TFCP2L1: variants seen among roughly 807,000 people sequenced by gnomAD.
TFCP2L1 encodes the protein transcription factor CP2-like protein 1.
Under a neutral mutation model 72.2 loss-of-function variants are expected in TFCP2L1, and 12 were observed. That is an observed-to-expected ratio of 0.17 (90% CI 0.11 to 0.27). The LOEUF (loss-of-function observed/expected upper bound fraction) is 0.27. Ranked by LOEUF, TFCP2L1 falls within the 10% of genes least tolerant of loss-of-function variation. The pLI, the probability that TFCP2L1 is intolerant of heterozygous loss-of-function variation, is 1.00. For synonymous variants in TFCP2L1, 260 were observed against 251.0 expected, an observed-to-expected ratio of 1.04 and a Z score of -0.34; for missense variants, 488 against 624.6, an observed-to-expected ratio of 0.78 and a Z score of 2.33.
chr2:121,224,381 C>T lies in TFCP2L1; in HGVS notation c.1400G>A (p.Ser467Asn). ...CAGGATGATGTGGTAGCCATCATTGCTCTCAGCTGCAAGAGAGAAACACTG... is the reference window on the plus strand; with the variant it reads ...CAGGATGATGTGGTAGCCATCATTGTTCTCAGCTGCAAGAGAGAAACACTG... ...CFVLSTIKAESNDGYHIILKC... is the reference protein window; with the variant it reads ...CFVLSTIKAENNDGYHIILKC... Residue 467 changes from serine (S) to asparagine (N), a missense_variant, in exon 15 of 15, where the codon AGC becomes AAC. By Grantham distance (46) the Ser-to-Asn change is conservative. Around this residue, in one of 3 missense-constraint regions of TFCP2L1, gnomAD observed 286 missense variants for 329.0 expected, o/e 0.87. Coordinates refer to ENST00000263707, the MANE Select transcript of TFCP2L1 (RefSeq NM_014553.3). 4 of 1,613,870 alleles carry T rather than the reference C, an allele frequency of 2.5e-6. No individual in the cohort carries two copies. Among genetic ancestry groups the T allele is most frequent in the Non-Finnish European group, 3.4e-6 (4 of 1,179,950 alleles).
chr2:121,248,878 G>T (rs1686544151), intron 4 of TFCP2L1, 104 bp downstream of exon 4: 1 of 895,762 alleles, frequency 1.1e-6, no homozygotes, highest in Non-Finnish European at 1.6e-6. Flanking sequence ...GCAGGTGCAA[G>T]CTAAAACGCC....
In TFCP2L1 at chr2:121,246,628, G is replaced by GGCA. The variant is rs753496602; in HGVS notation, c.657+187_657+189dup. 2.0e-4 allele frequency among the ~76,000 whole-genome samples: 30 copies of GGCA among 152,228 alleles called. 1 individual carries two copies. Among genetic ancestry groups the GGCA allele is most frequent in the Non-Finnish European group, 3.5e-4 (24 of 68,042 alleles). On this transcript the variant is annotated intron_variant, in intron 6 of 14. Transcript: ENST00000263707. ...GCAGGTGAAAAGATGCCCCCAGCAG[G>GGCA]GCAGCAGCAGCCTGTGGTGCCTGGA...
rs1237635772 is a variant in TFCP2L1 at position 121,285,201 on chromosome 2, C to T, written c.-92G>A. The T allele has an allele frequency of 1.1e-5, 12 of 1,142,214 alleles. No individual in the cohort carries two copies. The highest frequency in any genetic ancestry group is 2.9e-4 in the Middle Eastern group (1 of 3,442). The allele number at this position is 1,142,214 out of a possible 1,614,324, so 70.8% of individuals were successfully genotyped here. On this transcript the variant is annotated 5_prime_UTR_variant, in exon 1 of 15. Transcript: ENST00000263707. ...CCAGCGGCGGCTTCGCGCTCCGAAC[C>T]CGCGGTGCCGGCCGGCTCGGCGCAT...
Position 121,285,176 on chromosome 2 carries a change from C to A in TFCP2L1, c.-67G>T, listed in dbSNP as rs1278793758. The A allele has an allele frequency of 3.6e-5, 48 of 1,318,648 alleles. No homozygotes were observed. The highest frequency in any genetic ancestry group is 4.5e-5 in the Non-Finnish European group (46 of 1,027,396). The allele number at this position is 1,318,648 out of a possible 1,614,324, so 81.7% of individuals were successfully genotyped here. ...CGCAGACGCGGGGCGCGCCGAGGACCCAGCGGCGGCTTCGCGCTCCGAACC... is the reference window on the plus strand; with the variant it reads ...CGCAGACGCGGGGCGCGCCGAGGACACAGCGGCGGCTTCGCGCTCCGAACC... On this transcript the variant is annotated 5_prime_UTR_variant, in exon 1 of 15. Transcript: ENST00000263707.
chr2:121,243,047 G>A (rs1244120206), intron 6 of TFCP2L1, among the ~76,000 whole-genome samples: 1 of 152,210 alleles, frequency 6.6e-6, no homozygotes, highest in Non-Finnish European at 1.5e-5. Flanking sequence ...GGGAAACTGA[G>A]GCTCAAGGGG....
intron 7 of TFCP2L1, among the ~76,000 whole-genome samples, chr2:121,242,139 T>A (rs1357420734): frequency 6.9e-6 from 1 of 145,044 alleles, no homozygotes; most frequent in South Asian, 2.2e-4. Flanking sequence ...CACAAATGCA[T>A]TCAAAGGGAG....
intron 2 of TFCP2L1, among the ~76,000 whole-genome samples, chr2:121,253,292 G>T (rs1170236979): frequency 6.6e-6 from 1 of 152,362 alleles, no homozygotes; most frequent in East Asian, 1.9e-4. Context: ...GGGAAGAGGA[G>T]CAAACCCCAA....
chr2:121,244,452 G>A (rs867586379), intron 6 of TFCP2L1, among the ~76,000 whole-genome samples: 11 of 152,294 alleles, frequency 7.2e-5, no homozygotes, highest in African/African-American at 2.4e-4. Flanking sequence ...CACACCTCAG[G>A]CATTCTGAGG....
At chr2:121,263,469 C>CA (rs10603088) in intron 2 of TFCP2L1, among the ~76,000 whole-genome samples, 4,175 of 64,514 alleles carry the variant, frequency 0.065, 40 homozygotes, top group Non-Finnish European at 0.09. Flanking sequence ...CTGTTTTTGG[C>CA]AAAAAAAAAA....
At chr2:121,280,582 A>AC (rs891739618) in intron 2 of TFCP2L1, among the ~76,000 whole-genome samples, 33 of 151,282 alleles carry the variant, frequency 2.2e-4, no homozygotes, top group African/African-American at 3.9e-4. Context: ...ACATAGTGAG[A>AC]CCCCCCCAGC....
intron 13 of TFCP2L1, 63 bp downstream of exon 13, chr2:121,231,763 G>A (rs563668671): frequency 3.3e-5 from 52 of 1,587,234 alleles, no homozygotes; most frequent in Non-Finnish European, 4.3e-5. Context: ...TGGGGCAGGG[G>A]TTCTGACACT....
chr2:121,240,135 G>A, intron 7 of TFCP2L1: 1 of 985,236 alleles, frequency 1.0e-6, no homozygotes, highest in Non-Finnish European at 1.2e-6. Flanking sequence ...GCTGACAGGG[G>A]CGGAGGCTCT....
At chr2:121,246,757 C>T (rs1194526117) in intron 6 of TFCP2L1, 61 bp downstream of exon 6, 35 of 1,601,446 alleles carry the variant, frequency 2.2e-5, no homozygotes, top group Middle Eastern at 3.4e-4. Context: ...TCTCTGTGGG[C>T]GAATGTGACC....
At chr2:121,241,553 T>C (rs1686368141) in intron 7 of TFCP2L1, among the ~76,000 whole-genome samples, 3 of 150,384 alleles carry the variant, frequency 2.0e-5, no homozygotes, top group Admixed American at 2.0e-4. Flanking sequence ...GGAGTTCCCA[T>C]GGACATATGG....
chr2:121,283,214 C>T (rs866158862), intron 1 of TFCP2L1, among the ~76,000 whole-genome samples: 1 of 152,042 alleles, frequency 6.6e-6, no homozygotes, highest in African/African-American at 2.4e-5. Context: ...ATAAAAGTCA[C>T]GAGAACATCA....
At chr2:121,247,870 G>A (rs1285218054) in intron 5 of TFCP2L1, among the ~76,000 whole-genome samples, 7 of 152,150 alleles carry the variant, frequency 4.6e-5, no homozygotes, top group Non-Finnish European at 1.0e-4. Flanking sequence ...TAGAAAAAAT[G>A]TTTACTTTCA....
chr2:121,239,260 G>A (rs190962003), intron 8 of TFCP2L1, among the ~76,000 whole-genome samples: 8 of 152,328 alleles, frequency 5.3e-5, no homozygotes, highest in Non-Finnish European at 1.5e-5. Context: ...CTGTCAGGAG[G>A]GCCATTCTGC....
At chr2:121,277,265 T>C (rs1328516228) in intron 2 of TFCP2L1, among the ~76,000 whole-genome samples, 1 of 152,126 alleles carries the variant, frequency 6.6e-6, no homozygotes, top group Non-Finnish European at 1.5e-5. Context: ...CTCAGGAAGC[T>C]GAGGAGGGAG....
chr2:121,225,542 G>A lies in TFCP2L1; in HGVS notation c.1393+20C>T, dbSNP rs763502104. On this transcript the variant is annotated intron_variant, in intron 14 of 14. Transcript: ENST00000263707. ...CTCACCTGCCCCCACAACTACCCTA[G>A]GGGGAGGGGGAGGCTTCACCTTTAA... 2 of 1,613,000 alleles carry A rather than the reference G, an allele frequency of 1.2e-6. No individual in the cohort carries two copies. Among genetic ancestry groups the A allele is most frequent in the Non-Finnish European group, 1.7e-6 (2 of 1,179,410 alleles).
Sources: gnomAD v4.1 joint callset for allele counts (sites outside exome capture counted in the v4.1 genomes callset) on GRCh38, gnomAD v4.1.1 for gene constraint, gnomAD v4.1.1 regional missense constraint, MANE v1.5 for transcripts, NCBI Gene and HGNC (gene_info 2026-07-23, HGNC 2026-07-21) for gene names.